The following ANKS1A variants were observed in gnomAD, a reference collection of about 807,000 sequenced individuals.
The protein encoded by ANKS1A is ankyrin repeat and SAM domain-containing protein 1A.
ANKS1A carries 55 observed loss-of-function variants against 120.3 expected under a neutral mutation model. The observed-to-expected ratio is 0.46, with a 90% CI of 0.37 to 0.57. The LOEUF (loss-of-function observed/expected upper bound fraction) is 0.57, where lower values mean the gene tolerates loss of function less well. Ranked by LOEUF, ANKS1A falls within the 20% of genes least tolerant of loss-of-function variation. ANKS1A has a pLI of 0.00. For synonymous variants in ANKS1A, 590 were observed against 604.7 expected, an observed-to-expected ratio of 0.98 and a Z score of 0.36; for missense variants, 1,123 against 1,480.3, an observed-to-expected ratio of 0.76 and a Z score of 3.96.
At chr6:34,927,997 G>A (rs550942266) in intron 1 of ANKS1A, among the ~76,000 whole-genome samples, 6 of 152,154 alleles carry the variant, frequency 3.9e-5, no homozygotes, top group Admixed American at 1.3e-4. Context: ...AGGGTATCCA[G>A]CTCCACCTGG....
intron 11 of ANKS1A, among the ~76,000 whole-genome samples, chr6:35,019,930 T>C (rs998237281): frequency 6.6e-6 from 1 of 152,024 alleles, no homozygotes; most frequent in Non-Finnish European, 1.5e-5. Flanking sequence ...GGATTTGACA[T>C]GGAATTAAAA....
intron 10 of ANKS1A, chr6:35,009,934 A>G: frequency 8.9e-6 from 2 of 225,734 alleles, no homozygotes; most frequent in South Asian, 3.7e-5. Flanking sequence ...AAAAAAAAAA[A>G]GTCCATTGCT....
chr6:34,999,859 A>G (rs1277978453), intron 10 of ANKS1A, among the ~76,000 whole-genome samples: 1 of 152,166 alleles, frequency 6.6e-6, no homozygotes, highest in South Asian at 2.1e-4. Context: ...ACAGGAAGAG[A>G]CAGAGAGACA....
intron 11 of ANKS1A, among the ~76,000 whole-genome samples, chr6:35,038,013 T>C (rs559445816): frequency 1.3e-5 from 2 of 152,134 alleles, no homozygotes; most frequent in South Asian, 4.2e-4. Context: ...GGCACATAGA[T>C]GGCTGGCGTC....
intron 11 of ANKS1A, among the ~76,000 whole-genome samples, chr6:35,053,733 G>A (rs538242016): frequency 3.3e-5 from 5 of 152,374 alleles, no homozygotes; most frequent in Admixed American, 2.6e-4. Flanking sequence ...TCTAGCGTGA[G>A]CAATGAGATG....
Position 35,086,455 on chromosome 6 carries a change from T to A in ANKS1A, c.3304-497T>A. ...GCCTCTGGCGGCCTCTCCCTCTGCC[T>A]GTGTGACATTCTTTCCCCTCTTCCT... is the stretch of plus-strand genomic sequence containing the variant. On this transcript the variant is annotated intron_variant, in intron 22 of 23. Transcript: ENST00000360359. This position sits in a 1 kb window ranked among gnomAD's most constrained non-coding sequence, Gnocchi z 5.1. 1.1e-6 allele frequency: 1 copy of A among 903,308 alleles called. No homozygotes were observed. Among genetic ancestry groups the A allele is most frequent in the Non-Finnish European group, 1.6e-6 (1 of 636,208 alleles). The allele number at this position is 903,308 out of a possible 1,614,324, so 56.0% of individuals were successfully genotyped here. A position where few individuals can be genotyped will look rare whatever the true frequency, so the allele number is the denominator to read the frequency against.
intron 10 of ANKS1A, among the ~76,000 whole-genome samples, chr6:35,003,942 C>G (rs976956707): frequency 1.3e-5 from 2 of 152,194 alleles, no homozygotes; most frequent in African/African-American, 4.8e-5. Flanking sequence ...AACCAAGGAA[C>G]CAGACCTGAA....
At chr6:34,971,974 A>G (rs1256159943) in intron 3 of ANKS1A, among the ~76,000 whole-genome samples, 1 of 152,186 alleles carries the variant, frequency 6.6e-6, no homozygotes, top group Non-Finnish European at 1.5e-5. Context: ...TCTAAGTGCA[A>G]TTTTACTCCT....
chr6:34,991,604 A>G (rs1396710997), intron 9 of ANKS1A, among the ~76,000 whole-genome samples: 1 of 149,288 alleles, frequency 6.7e-6, no homozygotes, highest in East Asian at 1.9e-4. Flanking sequence ...ATATACACAC[A>G]TATATATACG....
rs1004046240 is a variant in ANKS1A, at chr6:35,089,997, G to T, written c.*1388G>T. 1.8e-5 allele frequency: 22 copies of T among 1,196,196 alleles called. No individual in the cohort carries two copies. Among genetic ancestry groups the T allele is most frequent in the Non-Finnish European group, 2.2e-5 (21 of 943,888 alleles). 74.1% of individuals were successfully genotyped at this position (1,196,196 alleles called of 1,614,324 possible). A position where few individuals can be genotyped will look rare whatever the true frequency, so the allele number is the denominator to read the frequency against. ...CTTTGTTGGTATGTATGTGCAGGGAGTACTGTTAGGCACATTCTTAACCCA... is the reference window on the plus strand; with the variant it reads ...CTTTGTTGGTATGTATGTGCAGGGATTACTGTTAGGCACATTCTTAACCCA... On this transcript the variant is annotated 3_prime_UTR_variant, in exon 24 of 24. Coordinates refer to ENST00000360359, the MANE Select transcript of ANKS1A (RefSeq NM_015245.3).
intron 15 of ANKS1A, 44 bp downstream of exon 15, chr6:35,079,712 T>C: frequency 6.2e-7 from 1 of 1,613,510 alleles, no homozygotes; most frequent in Non-Finnish European, 8.5e-7. Flanking sequence ...TCCAGAAGTC[T>C]GAGCTTCCCT....
intron 1 of ANKS1A, among the ~76,000 whole-genome samples, chr6:34,964,228 T>C (rs545135329): frequency 6.6e-6 from 1 of 152,352 alleles, no homozygotes; most frequent in African/African-American, 2.4e-5. Flanking sequence ...CTTTTTTGTC[T>C]TCTTTTCCTT....
At chr6:34,923,886 A>T (rs1768566920) in intron 1 of ANKS1A, among the ~76,000 whole-genome samples, 1 of 151,988 alleles carries the variant, frequency 6.6e-6, no homozygotes, top group Admixed American at 6.6e-5. Context: ...ACTGCTGCAT[A>T]CTCAAAGAGC....
At chr6:35,015,498 C>CAA (rs200854137) in intron 10 of ANKS1A, among the ~76,000 whole-genome samples, 2 of 148,002 alleles carry the variant, frequency 1.4e-5, no homozygotes, top group African/African-American at 2.5e-5. Flanking sequence ...GACTTGGTCT[C>CAA]AAAAAAAAAA....
In ANKS1A at chr6:35,079,504, C is replaced by T. The variant is rs1262102117; in HGVS notation, c.2284-12C>T. 13 of 1,613,364 alleles carry T rather than the reference C, an allele frequency of 8.1e-6. No homozygotes were observed. The highest frequency in any genetic ancestry group is 1.1e-5 in the Non-Finnish European group (13 of 1,179,654). ...CTGAGATGTCAGTTTCACCTCCCTC[C>T]TTGCCCTGTAGGTGAAGGCTCTGGG... On this transcript the variant is annotated splice_polypyrimidine_tract_variant and intron_variant, in intron 14 of 23. Coordinates refer to ENST00000360359, the MANE Select transcript of ANKS1A (RefSeq NM_015245.3).
At chr6:34,965,566 G>C (rs1361080324) in intron 1 of ANKS1A, among the ~76,000 whole-genome samples, 3 of 152,026 alleles carry the variant, frequency 2.0e-5, no homozygotes, top group Non-Finnish European at 4.4e-5. Context: ...GGTCAGGCTG[G>C]TCTCAAACTT....
downstream of ANKS1A, among the ~76,000 whole-genome samples, chr6:35,095,259 T>G (rs554571309): frequency 1.3e-5 from 2 of 151,788 alleles, no homozygotes; most frequent in East Asian, 3.9e-4. Context: ...AGATAAACTC[T>G]GCGAAAGTGG....
chr6:35,014,878 C>T (rs1489272942), intron 10 of ANKS1A, among the ~76,000 whole-genome samples: 1 of 152,162 alleles, frequency 6.6e-6, no homozygotes, highest in Non-Finnish European at 1.5e-5. Flanking sequence ...TTAACTCTCC[C>T]CATCAGCTTC....
At chr6:34,901,579 C>G (rs1452092555) in intron 1 of ANKS1A, among the ~76,000 whole-genome samples, 5 of 152,148 alleles carry the variant, frequency 3.3e-5, no homozygotes, top group Non-Finnish European at 7.3e-5. Flanking sequence ...GATGCAATCA[C>G]AGCTCATTGT....
Sources: allele counts gnomAD v4.1 joint callset (sites outside exome capture counted in the v4.1 genomes callset), GRCh38; gene constraint gnomAD v4.1.1; non-coding constraint Gnocchi (gnomAD v3.1); transcripts MANE v1.5; gene names NCBI Gene and HGNC (gene_info 2026-07-23, HGNC 2026-07-21).